SDK2: variants seen among roughly 807,000 people sequenced by gnomAD.
The protein encoded by SDK2 is sidekick cell adhesion molecule 2, also known as protein sidekick-2.
Under a neutral mutation model 253.9 loss-of-function variants are expected in SDK2, and 105 were observed. That is an observed-to-expected ratio of 0.41 (90% CI 0.35 to 0.49). The LOEUF (loss-of-function observed/expected upper bound fraction) is 0.49. SDK2 is among the 20% of genes least tolerant of loss of function. The pLI is 0.06. For synonymous variants in SDK2, 1,249 were observed against 1,234.9 expected (o/e 1.01, Z -0.24); for missense variants, 2,608 against 3,003.0 (o/e 0.87, Z 3.07).
At chr17:73,402,250 C>T in intron 18 of SDK2, 109 bp from the exon 19 acceptor site, 1 of 1,149,486 alleles carries the variant, frequency 8.7e-7, no homozygotes, top group Non-Finnish European at 1.2e-6. Flanking sequence ...GGACCGGAGT[C>T]CCTGTGGTGC....
chr17:73,365,058 C>T (rs753777347), intron 38 of SDK2, among the ~76,000 whole-genome samples, 200 bp downstream of exon 38: 1 of 152,230 alleles, frequency 6.6e-6, no homozygotes, highest in Non-Finnish European at 1.5e-5. Context: ...CTGGATCTCT[C>T]TTCCAACTCT....
intron 18 of SDK2, among the ~76,000 whole-genome samples, chr17:73,406,246 CTTTT>C: frequency 7.2e-6 from 1 of 139,830 alleles, no homozygotes; most frequent in African/African-American, 2.6e-5. Flanking sequence ...CTACTACACT[CTTTT>C]TTTTTTTTTT....
chr17:73,370,267 A>T (rs1488526431), intron 36 of SDK2, among the ~76,000 whole-genome samples: 2 of 151,984 alleles, frequency 1.3e-5, no homozygotes, highest in African/African-American at 4.8e-5. Flanking sequence ...TATTTGAGAC[A>T]GGCCTCACTC....
At position 73,465,909 on chromosome 17, in the gene SDK2, C is replaced by A. The variant is rs1458696407; in HGVS notation, c.331+6203G>T. On this transcript the variant is annotated intron_variant, in intron 3 of 44. Coordinates refer to ENST00000392650, the MANE Select transcript of SDK2 (RefSeq NM_001144952.2). The surrounding 1 kb of genome is among the most constrained non-coding windows in gnomAD (Gnocchi z 4.2). ...TTGGGAAAAGTGACCATACCCCACCCTCTCTCAGAACTGTGTGCCATCTGC... is the reference window on the plus strand; with the variant it reads ...TTGGGAAAAGTGACCATACCCCACCATCTCTCAGAACTGTGTGCCATCTGC... Among the ~76,000 whole-genome samples, 1 of 152,200 alleles carries A rather than the reference C, an allele frequency of 6.6e-6. No homozygotes were observed. Among genetic ancestry groups the A allele is most frequent in the Non-Finnish European group, 1.5e-5 (1 of 68,040 alleles).
intron 1 of SDK2, among the ~76,000 whole-genome samples, chr17:73,514,559 G>A (rs563240448): frequency 5.3e-5 from 8 of 152,152 alleles, no homozygotes; most frequent in African/African-American, 1.7e-4. Flanking sequence ...GGAATGGGTC[G>A]GTGGGTGGAG....
Position 73,545,099 on chromosome 17 carries a change from G to GCACGCACACACACACACACACA in SDK2, c.65-37503_65-37502insTGTGTGTGTGTGTGTGTGCGTG, listed in dbSNP as rs1555601161. Reference sequence around the variant, plus strand: ...GCATTCTCATTGCGTGCACGTGCACGCACACACACACACACACACACACAC... The same window carrying GCACGCACACACACACACACACA: ...GCATTCTCATTGCGTGCACGTGCACGCACGCACACACACACACACACACACACACACACACACACACACACAC... On this transcript the variant is annotated intron_variant, in intron 1 of 44. Coordinates refer to ENST00000392650, the MANE Select transcript of SDK2 (RefSeq NM_001144952.2). Among the ~76,000 whole-genome samples the GCACGCACACACACACACACACA allele has an allele frequency of 8.2e-5, 12 of 145,818 alleles. No homozygotes were observed. The East Asian group carries it at 1.4e-3, about 17-fold the overall frequency.
intron 18 of SDK2, among the ~76,000 whole-genome samples, chr17:73,413,770 A>G (rs1376288188): frequency 6.6e-6 from 1 of 152,198 alleles, no homozygotes; most frequent in African/African-American, 2.4e-5. Flanking sequence ...CAGTGCATAG[A>G]GTAGCTGCTC....
chr17:73,428,478 C>T (rs1473066827), intron 12 of SDK2, among the ~76,000 whole-genome samples: 1 of 152,134 alleles, frequency 6.6e-6, no homozygotes, highest in Admixed American at 6.6e-5. Context: ...CAGGATTCAG[C>T]GGCACCACTT....
rs1305505310 is a variant in SDK2 at position 73,374,581 on chromosome 17, C to T, written c.4980+4596G>A. The stretch of plus-strand genomic sequence containing the variant: ...CTTCTGGGTTCAAGGGATTCTTTTG[C>T]CTCAGCCTCCCCAGTAGCTGGAATT... On this transcript the variant is annotated intron_variant, in intron 36 of 44. Transcript: ENST00000392650. 9.7e-5 allele frequency among the ~76,000 whole-genome samples: 14 copies of T among 143,596 alleles called. 3 individuals are homozygous for T. Among genetic ancestry groups the T allele is most frequent in the African/African-American group, 3.4e-4 (12 of 35,636 alleles). The allele number at this position is 143,596 out of a possible 152,430, so 94.2% of individuals were successfully genotyped here. A position where few individuals can be genotyped will look rare whatever the true frequency, so the allele number is the denominator to read the frequency against.
chr17:73,588,205 C>CG (rs1016375956), intron 1 of SDK2, among the ~76,000 whole-genome samples: 3 of 147,892 alleles, frequency 2.0e-5, no homozygotes, highest in South Asian at 2.2e-4. Context: ...AGACCCCCCC[C>CG]CCTCCCCCGC....
At chr17:73,583,827 C>T (rs2045569241) in intron 1 of SDK2, among the ~76,000 whole-genome samples, 1 of 152,220 alleles carries the variant, frequency 6.6e-6, no homozygotes, top group African/African-American at 2.4e-5. Flanking sequence ...AATTTTATGC[C>T]TGGCTCTGCC....
intron 36 of SDK2, among the ~76,000 whole-genome samples, chr17:73,378,156 A>G (rs1045695376): frequency 8.6e-6 from 1 of 116,450 alleles, no homozygotes; most frequent in African/African-American, 4.3e-5. Context: ...CTGGAGTGCA[A>G]TGGCTCCACA....
intron 3 of SDK2, among the ~76,000 whole-genome samples, chr17:73,459,702 C>CT (rs543344223): frequency 0.018 from 2,679 of 145,378 alleles, 62 homozygotes; most frequent in African/African-American, 0.054. Flanking sequence ...AGATTTCTTT[C>CT]TTTTTTTTTT....
chr17:73,512,736 A>C (rs1323107560), intron 1 of SDK2, among the ~76,000 whole-genome samples: 1 of 152,238 alleles, frequency 6.6e-6, no homozygotes, highest in Non-Finnish European at 1.5e-5. Flanking sequence ...TAATGAAAAC[A>C]GTGCCTTCTT....
Position 73,455,797 on chromosome 17 carries a change from G to T in SDK2, c.479+109C>A. On this transcript the variant is annotated intron_variant, in intron 4 of 44. Transcript: ENST00000392650. This position sits in a 1 kb window ranked among gnomAD's most constrained non-coding sequence, Gnocchi z 5.0. ...CTGTGTCCCACAGGAGCTGAAAGGG[G>T]CTTCTGCACAAAGGCCCTCCTCCAC... is the stretch of plus-strand genomic sequence containing the variant. 8.1e-7 allele frequency: 1 copy of T among 1,238,452 alleles called. No individual in the cohort carries two copies. The highest frequency in any genetic ancestry group is 1.5e-5 in the African/African-American group (1 of 64,744). 76.7% of individuals were successfully genotyped at this position (1,238,452 alleles called of 1,614,324 possible).
chr17:73,539,358 C>T (rs369558395), intron 1 of SDK2, among the ~76,000 whole-genome samples: 1 of 152,028 alleles, frequency 6.6e-6, no homozygotes, highest in African/African-American at 2.4e-5. Flanking sequence ...AGCCTGGGAG[C>T]GCCGGGGCAG....
intron 1 of SDK2, among the ~76,000 whole-genome samples, chr17:73,566,849 G>A (rs1304032868): frequency 1.4e-5 from 2 of 147,546 alleles, no homozygotes; most frequent in African/African-American, 2.5e-5. Context: ...ACAAAAAAAC[G>A]ACTTAAATTT....
intron 4 of SDK2, among the ~76,000 whole-genome samples, chr17:73,454,163 A>G (rs868793861): frequency 6.6e-6 from 1 of 152,242 alleles, no homozygotes; most frequent in African/African-American, 2.4e-5. Context: ...TCACACAACA[A>G]TGAAACAGCC....
In SDK2 at chr17:73,639,406, C is replaced by T. The variant is rs2046370024; in HGVS notation, c.64+4619G>A. On this transcript the variant is annotated intron_variant, in intron 1 of 44. Coordinates refer to ENST00000392650, the MANE Select transcript of SDK2 (RefSeq NM_001144952.2). This position sits in a 1 kb window ranked among gnomAD's most constrained non-coding sequence, Gnocchi z 4.3. ...CTGCTCACTGGCTCTGCCTCCTGCC[C>T]AGCACATGGACAGCAGGGGTGGGAC... Among the ~76,000 whole-genome samples, 1 of 152,136 alleles carries T rather than the reference C, an allele frequency of 6.6e-6. No homozygotes were observed. Among genetic ancestry groups the T allele is most frequent in the Non-Finnish European group, 1.5e-5 (1 of 68,016 alleles).
Sources: gnomAD v4.1 joint callset for allele counts (sites outside exome capture counted in the v4.1 genomes callset) on GRCh38, gnomAD v4.1.1 for gene constraint, Gnocchi (gnomAD v3.1) non-coding constraint, MANE v1.5 for transcripts, NCBI Gene and HGNC (gene_info 2026-07-23, HGNC 2026-07-21) for gene names.